The following PATJ variants were observed in gnomAD, a reference collection of about 807,000 sequenced individuals.
The protein encoded by PATJ is PATJ crumbs cell polarity complex component, also known as inaD-like protein.
A neutral mutation model predicts 224.9 loss-of-function variants in PATJ; 190 were observed. The observed-to-expected ratio is 0.84, with a 90% confidence interval of 0.75 to 0.95. PATJ has a LOEUF of 0.95. Among genes scored for constraint, PATJ ranks in the 40% least tolerant of loss-of-function variants. The pLI, the probability that PATJ is intolerant of heterozygous loss-of-function variation, is 0.00. For synonymous variants in PATJ, 769 were observed against 820.3 expected, an observed-to-expected ratio of 0.94 and a Z score of 1.07; for missense variants, 2,121 against 2,270.3, an observed-to-expected ratio of 0.93 and a Z score of 1.34.
At chr1:62,129,306 C>T (rs535516944) in intron 41 of PATJ, among the ~76,000 whole-genome samples, 1 of 152,274 alleles carries the variant, frequency 6.6e-6, no homozygotes, top group East Asian at 1.9e-4. Context: ...AGTGCTGTTT[C>T]TTCTTTTCCC....
chr1:62,077,639 G>T (rs758212973), intron 31 of PATJ, among the ~76,000 whole-genome samples: 1 of 137,106 alleles, frequency 7.3e-6, no homozygotes, highest in Non-Finnish European at 1.5e-5. Flanking sequence ...TCAGTGAGCC[G>T]AGATCACACA....
chr1:62,042,567 T>C (rs779058703), intron 30 of PATJ, among the ~76,000 whole-genome samples: 1 of 152,162 alleles, frequency 6.6e-6, no homozygotes, highest in Non-Finnish European at 1.5e-5. Context: ...ATAATAATAA[T>C]TCAGTATTAT....
intron 14 of PATJ, among the ~76,000 whole-genome samples, chr1:61,812,143 T>C (rs1421330505): frequency 4.6e-5 from 7 of 152,188 alleles, no homozygotes; most frequent in Non-Finnish European, 1.0e-4. Context: ...CCATAGCTTA[T>C]AAAGACTTTA....
intron 1 of PATJ, among the ~76,000 whole-genome samples, chr1:61,760,956 AT>A (rs1418771988): frequency 1.3e-5 from 2 of 151,130 alleles, no homozygotes; most frequent in Admixed American, 6.6e-5. Context: ...AGAGTCTGAG[AT>A]CATTTGTACA....
At chr1:61,865,808 C>T (rs1665334036) in intron 20 of PATJ, among the ~76,000 whole-genome samples, 1 of 152,038 alleles carries the variant, frequency 6.6e-6, no homozygotes, top group Admixed American at 6.6e-5. Context: ...TGGCACCTTT[C>T]CTGTTGTGAT....
intron 30 of PATJ, chr1:62,039,022 C>T: frequency 9.0e-7 from 1 of 1,108,892 alleles, no homozygotes; most frequent in Non-Finnish European, 1.4e-6. Context: ...CACTGATACT[C>T]CTGTAGTGTG....
chr1:61,835,047 A>C (rs1659949902), intron 17 of PATJ, among the ~76,000 whole-genome samples: 1 of 152,138 alleles, frequency 6.6e-6, no homozygotes, highest in African/African-American at 2.4e-5. Flanking sequence ...GTATTTTGGC[A>C]GTGTGATTTA....
chr1:61,991,216 A>ATGC (rs960070612), intron 28 of PATJ, among the ~76,000 whole-genome samples: 7 of 152,260 alleles, frequency 4.6e-5, no homozygotes, highest in African/African-American at 1.4e-4. Flanking sequence ...GATGATGATG[A>ATGC]TGACAATAAC....
intron 30 of PATJ, among the ~76,000 whole-genome samples, chr1:62,042,305 G>A (rs1227189641): frequency 6.6e-6 from 1 of 152,130 alleles, no homozygotes; most frequent in Non-Finnish European, 1.5e-5. Flanking sequence ...TGTTGGCTGT[G>A]GTAACTGCTA....
At chr1:62,065,871 T>A (rs951047865) in intron 31 of PATJ, among the ~76,000 whole-genome samples, 2 of 152,166 alleles carry the variant, frequency 1.3e-5, no homozygotes, top group Non-Finnish European at 2.9e-5. Context: ...CCTTTCAGAA[T>A]CCCACTGCTC....
At chr1:62,070,549 A>G (rs1657209668) in intron 31 of PATJ, among the ~76,000 whole-genome samples, 1 of 152,244 alleles carries the variant, frequency 6.6e-6, no homozygotes, top group Non-Finnish European at 1.5e-5. Flanking sequence ...AAAAGATACA[A>G]TATAATCTTG....
chr1:62,059,924 G>A (rs1655144863), intron 31 of PATJ, among the ~76,000 whole-genome samples: 1 of 152,154 alleles, frequency 6.6e-6, no homozygotes, highest in South Asian at 2.1e-4. Context: ...TGCATCATGG[G>A]CAGCTGACTG....
At chr1:62,066,181 T>C (rs1656377861) in intron 31 of PATJ, among the ~76,000 whole-genome samples, 1 of 152,132 alleles carries the variant, frequency 6.6e-6, no homozygotes, top group African/African-American at 2.4e-5. Context: ...TTTCATGGCA[T>C]TTACTATGCA....
chr1:61,921,587 G>A (rs1674347689), intron 26 of PATJ, among the ~76,000 whole-genome samples: 1 of 152,118 alleles, frequency 6.6e-6, no homozygotes, highest in South Asian at 2.1e-4. Flanking sequence ...TCAGGGATAG[G>A]AATTTGGGAG....
intron 14 of PATJ, among the ~76,000 whole-genome samples, chr1:61,812,429 AGAGAGTGTGTGTGTGTGT>A (rs1655029777): frequency 9.0e-6 from 1 of 111,376 alleles, no homozygotes; most frequent in Non-Finnish European, 2.0e-5. Context: ...AGAGAGAGAG[AGAGAGTGTGTGTGTGTGT>A]GTGTGTGTGT....
chr1:61,768,476 T>C (rs527411704), intron 4 of PATJ, among the ~76,000 whole-genome samples: 3 of 150,312 alleles, frequency 2.0e-5, no homozygotes, highest in Non-Finnish European at 3.0e-5. Context: ...TCTCAAAAAA[T>C]AAATAAATAA....
chr1:61,827,996 C>T (rs1658578618), intron 16 of PATJ, among the ~76,000 whole-genome samples: 1 of 152,094 alleles, frequency 6.6e-6, no homozygotes, highest in South Asian at 2.1e-4. Flanking sequence ...CCTGTAATCC[C>T]AGCACTTTGG....
At chr1:62,011,506 A>G (rs1179804758) in intron 28 of PATJ, among the ~76,000 whole-genome samples, 1 of 152,192 alleles carries the variant, frequency 6.6e-6, no homozygotes, top group Non-Finnish European at 1.5e-5. Context: ...TTGCCATTTT[A>G]TATGGGCACA....
At chr1:61,759,382 A>G (rs1374402305) in intron 1 of PATJ, among the ~76,000 whole-genome samples, 1 of 146,222 alleles carries the variant, frequency 6.8e-6, no homozygotes, top group African/African-American at 2.5e-5. Context: ...TTTTCAGTAC[A>G]TTCAGACCTA....
Sources: gnomAD v4.1 joint callset for allele counts (sites outside exome capture counted in the v4.1 genomes callset) on GRCh38, gnomAD v4.1.1 for gene constraint, MANE v1.5 for transcripts, NCBI Gene and HGNC (gene_info 2026-07-23, HGNC 2026-07-21) for gene names.